TBCE: variants seen among roughly 807,000 people sequenced by gnomAD.
TBCE encodes the protein tubulin folding cofactor E.
A neutral mutation model predicts 77.0 loss-of-function variants in TBCE; 53 were observed. The ratio of observed to expected loss-of-function variants is 0.69; its 90% CI spans 0.55 to 0.87. The LOEUF is 0.87. Among genes scored for constraint, TBCE ranks in the 40% least tolerant of loss-of-function variants. TBCE has a pLI of 0.00. For missense variants in TBCE, 624 were observed against 622.4 expected (o/e 1.00, Z -0.03); for synonymous variants, 235 against 241.3 (o/e 0.97, Z 0.24).
Position 235,433,112 on chromosome 1 carries a change from C to T in TBCE, c.661-1092C>T, listed in dbSNP as rs566723732. 81 of 1,499,686 alleles carry T rather than the reference C, an allele frequency of 5.4e-5. 1 individual carries two copies. The African/African-American group carries it at 8.4e-4, about 16-fold the overall frequency. 92.9% of individuals were successfully genotyped at this position (1,499,686 alleles called of 1,614,324 possible). A position where few individuals can be genotyped will look rare whatever the true frequency, so the allele number is the denominator to read the frequency against. On this transcript the variant is annotated intron_variant, in intron 7 of 16. Transcript: ENST00000642610. Reference sequence around the variant, plus strand: ...AACGTGGCCAAGGCCAGTGAGGTCACGGGCAGGTTTAACAGCCAGTTTAAA... The same window carrying T: ...AACGTGGCCAAGGCCAGTGAGGTCATGGGCAGGTTTAACAGCCAGTTTAAA...
chr1:235,419,390 G>A lies in TBCE; in HGVS notation c.372-83G>A, dbSNP rs1680268518. 8.8e-6 allele frequency: 14 copies of A among 1,596,714 alleles called. No individual in the cohort carries two copies. The East Asian group carries it at 2.9e-4, about 33-fold the overall frequency. On this transcript the variant is annotated intron_variant, in intron 4 of 16. Coordinates refer to ENST00000642610, the MANE Select transcript of TBCE (RefSeq NM_003193.5). Reference sequence around the variant, plus strand: ...TATTATTTTTGGTACCCTTTTATATGTCTGAAATGTGTTTAATTTTTTAAA... The same window carrying A: ...TATTATTTTTGGTACCCTTTTATATATCTGAAATGTGTTTAATTTTTTAAA...
chr1:235,384,400 C>T (rs1677864337), intron 2 of TBCE, among the ~76,000 whole-genome samples: 1 of 146,296 alleles, frequency 6.8e-6, no homozygotes, highest in Non-Finnish European at 1.5e-5. Context: ...GGTACCTGTT[C>T]CTCCTTGTAC....
rs1287734374 is a variant in TBCE at position 235,380,106 on chromosome 1, A to G, written c.57A>G (p.Glu19=). 6.2e-7 allele frequency: 1 copy of G among 1,613,192 alleles called. No homozygotes were observed. The highest frequency in any genetic ancestry group is 8.5e-7 in the Non-Finnish European group (1 of 1,179,616). ...GTCGAAGAGTTGAAGTTAATGGAGA[A>G]CATGCAACAGTACGTTTTGCTGGTG... ...VIGRRVEVNG[E]HATVRFAGVV... is the part of the protein sequence containing the mutation. Residue 19 remains glutamate (E), a synonymous_variant, in exon 2 of 17, where the codon GAA becomes GAG. Coordinates refer to ENST00000642610, the MANE Select transcript of TBCE (RefSeq NM_003193.5).
intron 2 of TBCE, among the ~76,000 whole-genome samples, chr1:235,391,221 G>A (rs1372144156): frequency 1.3e-5 from 2 of 152,048 alleles, no homozygotes; most frequent in African/African-American, 4.8e-5. Context: ...CAGGCGTGGT[G>A]GCTCACGCCT....
At chr1:235,388,658 C>T (rs149167161) in intron 2 of TBCE, among the ~76,000 whole-genome samples, 94 of 152,294 alleles carry the variant, frequency 6.2e-4, no homozygotes, top group African/African-American at 2.0e-3. Flanking sequence ...TTGTTGTCTG[C>T]AAGTCAGTCA....
chr1:235,428,676 G>A (rs977969539), intron 6 of TBCE, among the ~76,000 whole-genome samples: 5 of 127,742 alleles, frequency 3.9e-5, no homozygotes, highest in African/African-American at 8.8e-5. Flanking sequence ...ACAGTGTCTC[G>A]CCCTGTCGCC....
At chr1:235,385,739 A>G (rs1486343499) in intron 2 of TBCE, among the ~76,000 whole-genome samples, 1 of 152,082 alleles carries the variant, frequency 6.6e-6, no homozygotes, top group Non-Finnish European at 1.5e-5. Context: ...TTTCCTGAAT[A>G]CAGCACACTG....
At chr1:235,381,676 C>A (rs1677655692) in intron 2 of TBCE, among the ~76,000 whole-genome samples, 1 of 94,994 alleles carries the variant, frequency 1.1e-5, no homozygotes, top group African/African-American at 4.5e-5. Context: ...CAGAGCGAGA[C>A]TCCTTCTCCA....
intron 5 of TBCE, among the ~76,000 whole-genome samples, chr1:235,426,106 G>T (rs1276830895): frequency 2.0e-5 from 3 of 152,198 alleles, no homozygotes; most frequent in Non-Finnish European, 4.4e-5. Flanking sequence ...TATTAGATGA[G>T]AGTGTAGCTC....
intron 3 of TBCE, among the ~76,000 whole-genome samples, chr1:235,404,892 C>A (rs1010708745): frequency 6.6e-6 from 1 of 151,664 alleles, no homozygotes; most frequent in South Asian, 2.1e-4. Context: ...GAACCCCTGA[C>A]CTCGTGATCA....
intron 11 of TBCE, 110 bp from the exon 12 acceptor site, chr1:235,437,212 C>A: frequency 7.4e-7 from 1 of 1,343,212 alleles, no homozygotes; most frequent in South Asian, 1.2e-5. Flanking sequence ...TGATGAAATT[C>A]CCTGCCTCAG....
At chr1:235,396,453 G>A (rs904273846) in intron 2 of TBCE, among the ~76,000 whole-genome samples, 1 of 152,182 alleles carries the variant, frequency 6.6e-6, no homozygotes, top group African/African-American at 2.4e-5. Flanking sequence ...AGTAAACATA[G>A]GAGTGCAGAT....
chr1:235,402,168 A>G (rs901481991), intron 3 of TBCE, among the ~76,000 whole-genome samples: 8 of 151,672 alleles, frequency 5.3e-5, no homozygotes, highest in Admixed American at 3.3e-4. Flanking sequence ...GGTTCAAGCA[A>G]TTCTCCTGCC....
Position 235,371,527 on chromosome 1 carries a change from A to G in TBCE, c.-32+4023A>G, listed in dbSNP as rs144376280. ...GTAGCTGGGATTATACGCGTGTGCC[A>G]CCATAGCCTGGCTAATTTTTGTATT... On this transcript the variant is annotated intron_variant, in intron 1 of 16. Transcript: ENST00000642610. Among the ~76,000 whole-genome samples, 52 of 149,076 alleles carry G rather than the reference A, an allele frequency of 3.5e-4. No homozygotes were observed. In the East Asian group the frequency reaches 0.01, roughly 29 times the overall value.
At chr1:235,416,229 C>T (rs749939876) in intron 4 of TBCE, 11 of 149,510 alleles carry the variant, frequency 7.4e-5, no homozygotes, top group Non-Finnish European at 1.3e-4. Flanking sequence ...TTACTGTTTA[C>T]CCTACTGATT....
intron 14 of TBCE, 95 bp downstream of exon 14, chr1:235,441,977 C>A (rs1301440623): frequency 1.4e-5 from 15 of 1,083,968 alleles, no homozygotes; most frequent in East Asian, 2.5e-5. Flanking sequence ...CTCTTAAGTA[C>A]CTAAGTAAAT....
intron 2 of TBCE, among the ~76,000 whole-genome samples, chr1:235,387,327 A>G (rs1185259202): frequency 2.0e-5 from 3 of 152,296 alleles, no homozygotes; most frequent in Non-Finnish European, 4.4e-5. Context: ...CTCTCTTCAA[A>G]GCTGTCAGAC....
At chr1:235,445,191 G>A (rs547818053) in intron 15 of TBCE, among the ~76,000 whole-genome samples, 1 of 152,172 alleles carries the variant, frequency 6.6e-6, no homozygotes, top group Non-Finnish European at 1.5e-5. Flanking sequence ...GATTACAAGG[G>A]TTCCTTTTTT....
At chr1:235,421,900 T>C (rs1249762661) in intron 5 of TBCE, among the ~76,000 whole-genome samples, 1 of 152,168 alleles carries the variant, frequency 6.6e-6, no homozygotes, top group Non-Finnish European at 1.5e-5. Context: ...GCCCCGACAG[T>C]GCAGTGAAGG....
Sources: gnomAD v4.1 joint callset for allele counts (sites outside exome capture counted in the v4.1 genomes callset) on GRCh38, gnomAD v4.1.1 for gene constraint, MANE v1.5 for transcripts, NCBI Gene and HGNC (gene_info 2026-07-23, HGNC 2026-07-21) for gene names.